Variants in SPART observed in about 807,000 individuals in gnomAD.
SPART encodes the protein spartin, also known as spastic paraplegia 20 (Troyer syndrome).
SPART carries 35 observed loss-of-function variants against 58.7 expected under a neutral mutation model. That is an observed-to-expected ratio of 0.60 (90% CI 0.46 to 0.79). The LOEUF (loss-of-function observed/expected upper bound fraction) is 0.79, where lower values mean the gene tolerates loss of function less well. Ranked by LOEUF, SPART falls within the 30% of genes least tolerant of loss-of-function variation. The probability of loss-of-function intolerance (pLI) is 0.00; values close to 1 mark genes in which losing one functional copy is unlikely to be tolerated. For synonymous variants in SPART, 284 were observed against 280.7 expected (o/e 1.01, Z -0.12); for missense variants, 730 against 786.1 (o/e 0.93, Z 0.85).
At chr13:36,341,323 T>TA (rs1458700273) in intron 1 of SPART, among the ~76,000 whole-genome samples, 12 of 152,294 alleles carry the variant, frequency 7.9e-5, no homozygotes, top group East Asian at 1.9e-4. Context: ...ATTAAAAAGG[T>TA]AAAAAACAGG....
intron 1 of SPART, among the ~76,000 whole-genome samples, chr13:36,354,763 A>C (rs1885558016): frequency 6.6e-6 from 1 of 152,204 alleles, no homozygotes. Context: ...GTGAACTGTC[A>C]ATTCTGAGCA....
At chr13:36,311,098 G>A (rs1881042465) in intron 8 of SPART, among the ~76,000 whole-genome samples, 1 of 152,124 alleles carries the variant, frequency 6.6e-6, no homozygotes, top group South Asian at 2.1e-4. Context: ...CTGGACACAG[G>A]TCAGAAAAGA....
At chr13:36,313,973 G>A in intron 6 of SPART, 2 of 522,936 alleles carry the variant, frequency 3.8e-6, no homozygotes, top group South Asian at 2.3e-5. Flanking sequence ...ATCACCTAGG[G>A]ATCTTGTGAA....
chr13:36,362,369 A>AC (rs1555266310), intron 1 of SPART, among the ~76,000 whole-genome samples: 7 of 149,890 alleles, frequency 4.7e-5, no homozygotes, highest in Non-Finnish European at 8.9e-5. Context: ...AAAAAAAAAT[A>AC]CCCATGTTAT....
intron 1 of SPART, among the ~76,000 whole-genome samples, chr13:36,358,893 T>G (rs765874446): frequency 7.9e-5 from 12 of 152,214 alleles, no homozygotes; most frequent in Non-Finnish European, 1.5e-4. Flanking sequence ...GAGTTCCCAT[T>G]AACTTTTCTG....
At chr13:36,345,471 G>A (rs1885001243) in intron 1 of SPART, 1 of 152,126 alleles carries the variant, frequency 6.6e-6, no homozygotes, top group Non-Finnish European at 1.5e-5. Context: ...TTATTTCAAA[G>A]GCTGTAACAA....
At chr13:36,359,528 A>G (rs1280268838) in intron 1 of SPART, among the ~76,000 whole-genome samples, 2 of 152,222 alleles carry the variant, frequency 1.3e-5, no homozygotes, top group Non-Finnish European at 2.9e-5. Context: ...GAGTCCTAAC[A>G]GTCTTACCTA....
chr13:36,350,353 A>G (rs1415636616), upstream of SPART, among the ~76,000 whole-genome samples: 1 of 152,232 alleles, frequency 6.6e-6, no homozygotes, highest in Non-Finnish European at 1.5e-5. Flanking sequence ...AAATAATTAC[A>G]TGGTGGACAC....
At chr13:36,344,705 C>T (rs1433888309) in intron 1 of SPART, among the ~76,000 whole-genome samples, 2 of 152,124 alleles carry the variant, frequency 1.3e-5, no homozygotes, top group Non-Finnish European at 2.9e-5. Flanking sequence ...TTCCTAAGCA[C>T]AATTAAGTGT....
At chr13:36,306,414 G>A (rs369044830) in intron 8 of SPART, among the ~76,000 whole-genome samples, 6 of 151,368 alleles carry the variant, frequency 4.0e-5, no homozygotes, top group Middle Eastern at 3.4e-3. Context: ...TGGTGGAGCC[G>A]GTTTCCCTGA....
intron 5 of SPART, among the ~76,000 whole-genome samples, chr13:36,316,568 C>T (rs141852191): frequency 0.026 from 3,966 of 152,146 alleles, 152 homozygotes; most frequent in African/African-American, 0.088. Flanking sequence ...GAGCACCTTG[C>T]GACCCCCACT....
upstream of SPART, among the ~76,000 whole-genome samples, chr13:36,351,021 C>G (rs188707321): frequency 1.3e-3 from 192 of 152,242 alleles, 6 homozygotes; most frequent in Non-Finnish European, 9.1e-4. Context: ...ACCACTAGTT[C>G]TAGAATCCAA....
At chr13:36,348,159 ATCTGTAG>A (rs1885261633), upstream of SPART, among the ~76,000 whole-genome samples, 1 of 152,060 alleles carries the variant, frequency 6.6e-6, no homozygotes, top group Non-Finnish European at 1.5e-5. Context: ...GGTGGTACAC[ATCTGTAG>A]TCCCAGTTAC....
chr13:36,352,982 G>A (rs1197349719), intron 1 of SPART, among the ~76,000 whole-genome samples: 1 of 152,008 alleles, frequency 6.6e-6, no homozygotes, highest in Non-Finnish European at 1.5e-5. Flanking sequence ...TTTAAAAATT[G>A]AGAAGAGAGG....
Position 36,335,741 on chromosome 13 carries a change from A to T in SPART, c.90T>A (p.Gly30=). The change falls in exon 2 of 9, where the codon GGT becomes GGA. Residue 30 remains glycine (G), a synonymous_variant. Coordinates refer to ENST00000438666, the MANE Select transcript of SPART (RefSeq NM_015087.5). ...TCTGACCTAATTCATCTGTATTCAG[A>T]CCTTTGTTAACAAATAAAAAGGCCT... ...YKKAFLFVNK[G]LNTDELGQKE... 6.2e-7 allele frequency: 1 copy of T among 1,614,008 alleles called. No individual in the cohort carries two copies.
chr13:36,319,614 C>A (rs1298809025), intron 5 of SPART, among the ~76,000 whole-genome samples: 1 of 148,128 alleles, frequency 6.8e-6, no homozygotes, highest in African/African-American at 2.5e-5. Flanking sequence ...TTTTGCCTTT[C>A]CACCCCATGG....
intron 5 of SPART, among the ~76,000 whole-genome samples, chr13:36,321,601 C>T (rs1300646206): frequency 3.3e-5 from 5 of 152,110 alleles, no homozygotes; most frequent in African/African-American, 1.2e-4. Context: ...TAGGTTCCCA[C>T]GCCGCCCCTA....
chr13:36,328,187 T>C (rs539879081), intron 4 of SPART, among the ~76,000 whole-genome samples: 1 of 152,340 alleles, frequency 6.6e-6, no homozygotes, highest in East Asian at 1.9e-4. Context: ...TATCCTCATA[T>C]AGCTGGTCTA....
chr13:36,312,594 C>G, intron 6 of SPART, 117 bp from the exon 7 acceptor site: 2 of 1,146,356 alleles, frequency 1.7e-6, no homozygotes, highest in Non-Finnish European at 2.5e-6. Flanking sequence ...TATAATGTTA[C>G]AATTTCTTCT....
Sources: allele counts gnomAD v4.1 joint callset (sites outside exome capture counted in the v4.1 genomes callset), GRCh38; gene constraint gnomAD v4.1.1; transcripts MANE v1.5; gene names NCBI Gene and HGNC (gene_info 2026-07-23, HGNC 2026-07-21).